Variants in CBFA2T3 observed in about 807,000 individuals in gnomAD.
CBFA2T3 encodes the protein transcriptional corepressor CBFA2T3.
Under a neutral mutation model 58.6 loss-of-function variants are expected in CBFA2T3, and 31 were observed. The observed-to-expected ratio is 0.53, with a 90% CI of 0.40 to 0.71. The LOEUF (loss-of-function observed/expected upper bound fraction) is 0.71, where lower values mean the gene tolerates loss of function less well. CBFA2T3 is among the 30% of genes least tolerant of loss of function. The pLI, the probability that CBFA2T3 is intolerant of heterozygous loss-of-function variation, is 0.00. For missense variants in CBFA2T3, 1,076 were observed against 963.1 expected (o/e 1.12, Z -1.55); for synonymous variants, 531 against 421.9 (o/e 1.26, Z -3.17).
rs559331510 is a variant in CBFA2T3 at position 88,936,026 on chromosome 16, ACCCCTGG to A, written c.152-34377_152-34371del. 4.4e-4 allele frequency among the ~76,000 whole-genome samples: 67 copies of A among 152,016 alleles called. 1 individual carries two copies. Among genetic ancestry groups the A allele is most frequent in the African/African-American group, 1.6e-3 (66 of 41,446 alleles). ...GGGAACAGGGCAGGGGGCTGCAGTCACCCCTGGCCCTCGTGGGGAGCCCCTCCCCACC... is the reference window on the plus strand; with the variant it reads ...GGGAACAGGGCAGGGGGCTGCAGTCACCCTCGTGGGGAGCCCCTCCCCACC... On this transcript the variant is annotated intron_variant, in intron 1 of 11. Transcript: ENST00000268679.
At chr16:88,912,651 G>A (rs557603463) in intron 1 of CBFA2T3, among the ~76,000 whole-genome samples, 1 of 152,324 alleles carries the variant, frequency 6.6e-6, no homozygotes, top group Admixed American at 6.5e-5. Flanking sequence ...TCTCCCCCAG[G>A]GCAGGGCCCT....
chr16:88,886,159 G>A lies in CBFA2T3; in HGVS notation c.712-17C>T, dbSNP rs199664930. ...CAGGTTTGCCTGTGGGGTGGGGAAGGAGGGCCTGGGTAGCATGCAGGGGTG... is the reference window on the plus strand; with the variant it reads ...CAGGTTTGCCTGTGGGGTGGGGAAGAAGGGCCTGGGTAGCATGCAGGGGTG... On this transcript the variant is annotated splice_polypyrimidine_tract_variant and intron_variant, in intron 5 of 11. Coordinates refer to ENST00000268679, the MANE Select transcript of CBFA2T3 (RefSeq NM_005187.6). 5.3e-6 allele frequency: 8 copies of A among 1,515,824 alleles called. No homozygotes were observed. The African/African-American group carries it at 8.2e-5, about 16-fold the overall frequency. 93.9% of individuals were successfully genotyped at this position (1,515,824 alleles called of 1,614,324 possible).
chr16:88,969,335 C>T (rs186842685), intron 1 of CBFA2T3, among the ~76,000 whole-genome samples: 6 of 152,348 alleles, frequency 3.9e-5, no homozygotes, highest in Admixed American at 1.3e-4. Context: ...GGTGAATTCT[C>T]CAGTTCCTTC....
At chr16:88,880,566 C>T (rs1969027020) in intron 10 of CBFA2T3, among the ~76,000 whole-genome samples, 154 bp downstream of exon 10, 1 of 152,230 alleles carries the variant, frequency 6.6e-6, no homozygotes, top group African/African-American at 2.4e-5. Flanking sequence ...CCTACTCTGA[C>T]CTCTCCGTGA....
rs1969374481 is a variant in CBFA2T3 at position 88,886,331 on chromosome 16, G to T, written c.712-189C>A. ...GTGCCATGGGAGGGTGGCGTGGGAG[G>T]GTGGGCACAGAGCTTCGCAGGAGTG... On this transcript the variant is annotated intron_variant, in intron 5 of 11. Transcript: ENST00000268679. The T allele has an allele frequency of 1.4e-5, 6 of 444,132 alleles. No individual in the cohort carries two copies. The South Asian group carries it at 3.0e-4, about 22-fold the overall frequency. The allele number at this position is 444,132 out of a possible 1,614,324, so 27.5% of individuals were successfully genotyped here.
intron 1 of CBFA2T3, among the ~76,000 whole-genome samples, chr16:88,965,514 G>A (rs537899932): frequency 3.9e-5 from 6 of 152,368 alleles, no homozygotes; most frequent in Admixed American, 1.3e-4. Context: ...CCCGAATCCT[G>A]CTTCTACAAC....
chr16:88,906,998 G>C (rs956267763), intron 1 of CBFA2T3, among the ~76,000 whole-genome samples: 4 of 151,372 alleles, frequency 2.6e-5, no homozygotes, highest in Non-Finnish European at 5.9e-5. Flanking sequence ...AGGGTCTGGG[G>C]TAGCACCTGG....
Position 88,877,133 on chromosome 16 carries a change from A to G in CBFA2T3, c.1805T>C (p.Val602Ala). Residue 602 changes from valine to alanine, a missense_variant, in exon 12 of 12, where the codon GTG (valine) becomes GCG (alanine). Physicochemically the swap from Val to Ala is moderately conservative, Grantham distance 64. Coordinates refer to ENST00000268679, the MANE Select transcript of CBFA2T3 (RefSeq NM_005187.6). Reference protein sequence around the residue: ...CGQSLQGPTAVVADPVPGPPE... With the variant: ...CGQSLQGPTAAVADPVPGPPE... ...CGGTCCAGGCACCGGGTCGGCCACCACGGCTGTGGGGCCCTGCAGGCTCTG... is the reference window on the plus strand; with the variant it reads ...CGGTCCAGGCACCGGGTCGGCCACCGCGGCTGTGGGGCCCTGCAGGCTCTG... The G allele has an allele frequency of 6.5e-7, 1 of 1,549,464 alleles. No homozygotes were observed. Among genetic ancestry groups the G allele is most frequent in the Non-Finnish European group, 8.7e-7 (1 of 1,147,066 alleles).
intron 1 of CBFA2T3, among the ~76,000 whole-genome samples, chr16:88,923,452 C>A (rs1970985685): frequency 1.3e-5 from 2 of 152,208 alleles, no homozygotes; most frequent in African/African-American, 2.4e-5. Flanking sequence ...AGACCTTTGG[C>A]CACCCATGTT....
At chr16:88,893,507 G>A (rs371693505) in intron 3 of CBFA2T3, among the ~76,000 whole-genome samples, 1 of 152,212 alleles carries the variant, frequency 6.6e-6, no homozygotes, top group South Asian at 2.1e-4. Flanking sequence ...CCTGCTAATG[G>A]GGTTCCAGGG....
At chr16:88,923,767 C>T (rs775702080) in intron 1 of CBFA2T3, among the ~76,000 whole-genome samples, 4 of 152,194 alleles carry the variant, frequency 2.6e-5, no homozygotes, top group Non-Finnish European at 4.4e-5. Context: ...CTCTGGGCTC[C>T]TGGGCTGGAC....
intron 1 of CBFA2T3, among the ~76,000 whole-genome samples, chr16:88,943,158 G>A (rs1481655242): frequency 2.0e-5 from 3 of 152,228 alleles, no homozygotes; most frequent in African/African-American, 4.8e-5. Context: ...ACGTGGGAGT[G>A]GGGGCAGGTG....
At chr16:88,888,754 C>T (rs184666914) in intron 5 of CBFA2T3, among the ~76,000 whole-genome samples, 15 of 151,858 alleles carry the variant, frequency 9.9e-5, no homozygotes, top group East Asian at 3.9e-4. Context: ...CCCCTAGAAG[C>T]GCCATGTCAG....
intron 1 of CBFA2T3, among the ~76,000 whole-genome samples, chr16:88,909,661 G>C (rs1970464895): frequency 6.6e-6 from 1 of 151,952 alleles, no homozygotes; most frequent in Non-Finnish European, 1.5e-5. Context: ...CTTCCTCTGG[G>C]AAAGGCACAG....
chr16:88,920,949 C>G (rs927190797), intron 1 of CBFA2T3, among the ~76,000 whole-genome samples: 6 of 152,268 alleles, frequency 3.9e-5, no homozygotes, highest in African/African-American at 1.4e-4. Flanking sequence ...GGACGGGTGT[C>G]TCCACAACCT....
chr16:88,931,401 C>T (rs1971295286), intron 1 of CBFA2T3, among the ~76,000 whole-genome samples: 1 of 152,128 alleles, frequency 6.6e-6, no homozygotes, highest in Non-Finnish European at 1.5e-5. Flanking sequence ...CAAGCACACC[C>T]TTAAGGGTGG....
chr16:88,898,170 A>G lies in CBFA2T3; in HGVS notation c.305-18T>C, dbSNP rs766058487. On this transcript the variant is annotated intron_variant, in intron 2 of 11. Transcript: ENST00000268679. ...CTCTCGATCTGTAAGCAAAATAAGA[A>G]GAACACGCTGTCAGGAGGGGCGTGG... 8.7e-6 allele frequency: 14 copies of G among 1,601,990 alleles called. No homozygotes were observed. Among genetic ancestry groups the G allele is most frequent in the Admixed American group, 5.0e-5 (3 of 59,996 alleles).
chr16:88,967,377 C>T (rs1482535880), intron 1 of CBFA2T3, among the ~76,000 whole-genome samples: 3 of 152,114 alleles, frequency 2.0e-5, no homozygotes, highest in Non-Finnish European at 4.4e-5. Context: ...GCGACGGGGA[C>T]GGGGCAGGAT....
chr16:88,876,863 G>A lies in CBFA2T3; in HGVS notation c.*113C>T, dbSNP rs1167648129. On this transcript the variant is annotated 3_prime_UTR_variant, in exon 12 of 12. Coordinates refer to ENST00000268679, the MANE Select transcript of CBFA2T3 (RefSeq NM_005187.6). ...ATTGGTCGGCTCCCCCAGGTCAGGC[G>A]GGGCGCAGTGTCTGGCAGGCCAGGC... 8.4e-6 allele frequency: 7 copies of A among 830,468 alleles called. No homozygotes were observed. The highest frequency in any genetic ancestry group is 3.8e-5 in the Admixed American group (1 of 26,538). The allele number at this position is 830,468 out of a possible 1,614,324, so 51.4% of individuals were successfully genotyped here.
Sources: gnomAD v4.1 joint callset for allele counts (sites outside exome capture counted in the v4.1 genomes callset) on GRCh38, gnomAD v4.1.1 for gene constraint, MANE v1.5 for transcripts, NCBI Gene and HGNC (gene_info 2026-07-23, HGNC 2026-07-21) for gene names.